Variants in GNAL observed in about 807,000 individuals in gnomAD.
GNAL encodes the protein guanine nucleotide-binding protein G(olf) subunit alpha.
A neutral mutation model predicts 55.1 loss-of-function variants in GNAL; 18 were observed. The observed-to-expected ratio is 0.33, with a 90% CI of 0.23 to 0.48. GNAL has a LOEUF of 0.48. Ranked by LOEUF, GNAL falls within the 20% of genes least tolerant of loss-of-function variation. The probability of loss-of-function intolerance (pLI) is 0.99; values close to 1 mark genes in which losing one functional copy is unlikely to be tolerated. For missense variants in GNAL, 412 were observed against 614.1 expected (o/e 0.67, Z 3.48); for synonymous variants, 253 against 237.0 (o/e 1.07, Z -0.62).
intron 5 of GNAL, chr18:11,852,177 G>C: frequency 6.8e-7 from 1 of 1,480,710 alleles, no homozygotes. Flanking sequence ...GTGTGTTAGA[G>C]AGATACTATA....
intron 5 of GNAL, among the ~76,000 whole-genome samples, chr18:11,849,339 T>C (rs2035803286): frequency 1.3e-5 from 2 of 152,040 alleles, no homozygotes; most frequent in African/African-American, 4.8e-5. Flanking sequence ...CCAGCTGTAC[T>C]GAAAATACAA....
chr18:11,867,443 C>A (rs1036653966), intron 8 of GNAL, among the ~76,000 whole-genome samples: 3 of 152,074 alleles, frequency 2.0e-5, no homozygotes, highest in African/African-American at 7.2e-5. Flanking sequence ...CCTTGGGAGG[C>A]CAAGGAGGGC....
Position 11,696,542 on chromosome 18 carries a change from C to G in GNAL, c.376+6603C>G, listed in dbSNP as rs114256705. Among the ~76,000 whole-genome samples the G allele has an allele frequency of 4.3e-3, 648 of 151,198 alleles. 7 individuals are homozygous for G. Among genetic ancestry groups the G allele is most frequent in the African/African-American group, 0.015 (600 of 41,038 alleles). ...AAGCACGCATAACACATCCTTACAG[C>G]CTTAAAGAGAATGCAGTGATGTTGC... On this transcript the variant is annotated intron_variant, in intron 1 of 11. Coordinates refer to ENST00000334049, the MANE Select transcript of GNAL (RefSeq NM_182978.4).
intron 1 of GNAL, among the ~76,000 whole-genome samples, chr18:11,696,730 A>G (rs1343297446): frequency 6.6e-6 from 1 of 152,116 alleles, no homozygotes; most frequent in Non-Finnish European, 1.5e-5. Context: ...AGTTCAGAAC[A>G]CTCTGTCAAA....
intron 5 of GNAL, among the ~76,000 whole-genome samples, chr18:11,860,252 G>C (rs763276491): frequency 2.0e-5 from 3 of 152,170 alleles, no homozygotes; most frequent in Admixed American, 6.5e-5. Flanking sequence ...TGGGTTACTT[G>C]CCCTGGGGGT....
Position 11,882,797 on chromosome 18 carries a change from T to C in GNAL, c.*1662T>C, listed in dbSNP as rs2036736850. ...GAAGAAACATTACAAAACCTTAATC[T>C]GAAGTATAAAGTCAAAAGATACGGC... On this transcript the variant is annotated 3_prime_UTR_variant, in exon 12 of 12. Coordinates refer to ENST00000334049, the MANE Select transcript of GNAL (RefSeq NM_182978.4). 6.6e-6 allele frequency: 1 copy of C among 151,854 alleles called. No individual in the cohort carries two copies. Among genetic ancestry groups the C allele is most frequent in the African/African-American group, 2.4e-5 (1 of 41,326 alleles). 9.4% of individuals were successfully genotyped at this position (151,854 alleles called of 1,614,324 possible).
chr18:11,753,008 T>C lies in GNAL; in HGVS notation c.449+83T>C, dbSNP rs920217188. On this transcript the variant is annotated intron_variant, in intron 2 of 11. Transcript: ENST00000334049. ...TCCCAAAAGTGCTTTCTCTAAACAA[T>C]TTTAATTTATTTGATAATGGAGTAG... The C allele has an allele frequency of 8.4e-6, 6 of 714,368 alleles. No individual in the cohort carries two copies. The African/African-American group carries it at 1.1e-4, about 13-fold the overall frequency. The allele number at this position is 714,368 out of a possible 1,614,324, so 44.3% of individuals were successfully genotyped here. A position where few individuals can be genotyped will look rare whatever the true frequency, so the allele number is the denominator to read the frequency against.
intron 1 of GNAL, among the ~76,000 whole-genome samples, chr18:11,702,503 A>G (rs1004769636): frequency 2.6e-5 from 4 of 152,226 alleles, no homozygotes; most frequent in Non-Finnish European, 5.9e-5. Context: ...CAGCTTGTCT[A>G]TTGAGAAGGA....
At chr18:11,750,613 C>A (rs1452070199) in intron 1 of GNAL, among the ~76,000 whole-genome samples, 1 of 152,104 alleles carries the variant, frequency 6.6e-6, no homozygotes, top group African/African-American at 2.4e-5. Flanking sequence ...GACCAAAATT[C>A]ATGGATGAGA....
At chr18:11,792,389 T>C (rs975915361) in intron 4 of GNAL, among the ~76,000 whole-genome samples, 2 of 152,230 alleles carry the variant, frequency 1.3e-5, no homozygotes, top group East Asian at 3.9e-4. Flanking sequence ...TTTCACCATG[T>C]TGGCCAGGCT....
intron 1 of GNAL, among the ~76,000 whole-genome samples, chr18:11,727,500 G>T (rs1040344093): frequency 3.3e-5 from 5 of 152,196 alleles, no homozygotes; most frequent in Admixed American, 1.3e-4. Flanking sequence ...TCCAGTAACG[G>T]ATGGGCTGCA....
chr18:11,856,937 TAAAA>T (rs1300756749), intron 5 of GNAL, among the ~76,000 whole-genome samples: 2 of 152,124 alleles, frequency 1.3e-5, no homozygotes, highest in Admixed American at 6.5e-5. Context: ...CTCAAAAAAA[TAAAA>T]ATAAATAGTT....
chr18:11,755,618 T>A (rs763902931), intron 4 of GNAL, among the ~76,000 whole-genome samples: 1 of 152,180 alleles, frequency 6.6e-6, no homozygotes, highest in Admixed American at 6.5e-5. Flanking sequence ...TCCTTTAATA[T>A]GATTTTTGCT....
chr18:11,760,634 G>T (rs1282765624), intron 4 of GNAL, among the ~76,000 whole-genome samples: 2 of 152,168 alleles, frequency 1.3e-5, no homozygotes, highest in Non-Finnish European at 1.5e-5. Flanking sequence ...CTGGGAGAAG[G>T]GTCTTTGGGC....
chr18:11,743,981 G>T lies in GNAL; in HGVS notation c.377-8872G>T, dbSNP rs372372103. On this transcript the variant is annotated intron_variant, in intron 1 of 11. Coordinates refer to ENST00000334049, the MANE Select transcript of GNAL (RefSeq NM_182978.4). ...CCTTGATAGTTCATTCTATTTGCAG[G>T]TTCCTCTTGTTATGCTTTGTGGGAT... Among the ~76,000 whole-genome samples the T allele has an allele frequency of 1.5e-4, 23 of 152,204 alleles. No individual in the cohort carries two copies. The South Asian group carries it at 3.7e-3, about 25-fold the overall frequency.
intron 4 of GNAL, among the ~76,000 whole-genome samples, chr18:11,769,352 C>G (rs1400800888): frequency 1.3e-5 from 2 of 151,792 alleles, no homozygotes; most frequent in Non-Finnish European, 2.9e-5. Flanking sequence ...CATTGTTGCA[C>G]TTCGTACAGT....
At position 11,752,934 on chromosome 18, in the gene GNAL, G is replaced by C; in HGVS notation, c.449+9G>C. 6.4e-6 allele frequency: 10 copies of C among 1,554,688 alleles called. No individual in the cohort carries two copies. Among genetic ancestry groups the C allele is most frequent in the South Asian group, 1.1e-5 (1 of 89,596 alleles). On this transcript the variant is annotated intron_variant, in intron 2 of 11. Transcript: ENST00000334049. This position sits in a 1 kb window ranked among gnomAD's most constrained non-coding sequence, Gnocchi z 4.5. ...AATGGGTTTAATCCCGAGTAAGAATGTTCAGTTTGCTTCCAAACTGCATGC... is the reference window on the plus strand; with the variant it reads ...AATGGGTTTAATCCCGAGTAAGAATCTTCAGTTTGCTTCCAAACTGCATGC...
chr18:11,729,340 T>G (rs1485575847), intron 1 of GNAL, among the ~76,000 whole-genome samples: 1 of 152,162 alleles, frequency 6.6e-6, no homozygotes, highest in Non-Finnish European at 1.5e-5. Context: ...CTGCCTTCCC[T>G]AAGCACAGTG....
chr18:11,881,331 C>CCGCAGCATCCCACCCCCG lies in GNAL; in HGVS notation c.*213_*214insGCGCAGCATCCCACCCCC. Reference sequence around the variant, plus strand: ...TTCTGTTGTCATTGAATACGGCCTCCCGCAGCATCCCACCCCCAAACCACC... The same window carrying CCGCAGCATCCCACCCCCG: ...TTCTGTTGTCATTGAATACGGCCTCCCGCAGCATCCCACCCCCGCGCAGCATCCCACCCCCAAACCACC... On this transcript the variant is annotated 3_prime_UTR_variant, in exon 12 of 12. Transcript: ENST00000334049. This position sits in a 1 kb window ranked among gnomAD's most constrained non-coding sequence, Gnocchi z 4.8. 1 of 482,434 alleles carries CCGCAGCATCCCACCCCCG rather than the reference C, an allele frequency of 2.1e-6. No individual in the cohort carries two copies. The highest frequency in any genetic ancestry group is 3.7e-6 in the Non-Finnish European group (1 of 269,144). 29.9% of individuals were successfully genotyped at this position (482,434 alleles called of 1,614,324 possible).
Sources: gnomAD v4.1 joint callset for allele counts (sites outside exome capture counted in the v4.1 genomes callset) on GRCh38, gnomAD v4.1.1 for gene constraint, Gnocchi (gnomAD v3.1) non-coding constraint, MANE v1.5 for transcripts, NCBI Gene and HGNC (gene_info 2026-07-23, HGNC 2026-07-21) for gene names.